Variants in INPP5A observed in about 807,000 individuals in gnomAD.
The protein encoded by INPP5A is 43 kDa inositol polyphosphate 5-phophatase.
Under a neutral mutation model 65.2 loss-of-function variants are expected in INPP5A, and 14 were observed. The ratio of observed to expected loss-of-function variants is 0.21; its 90% CI spans 0.14 to 0.34. The LOEUF is 0.34. INPP5A is among the 10% of genes least tolerant of loss of function. INPP5A has a pLI of 1.00. For missense variants in INPP5A, 431 were observed against 545.6 expected (o/e 0.79, Z 2.09); for synonymous variants, 207 against 208.3 (o/e 0.99, Z 0.05).
At chr10:132,649,123 G>A (rs2072537898) in intron 3 of INPP5A, among the ~76,000 whole-genome samples, 1 of 152,128 alleles carries the variant, frequency 6.6e-6, no homozygotes, top group Non-Finnish European at 1.5e-5. Flanking sequence ...ATTTTTAAGT[G>A]GCTGGGCTCT....
At chr10:132,586,753 G>C (rs946569977) in intron 1 of INPP5A, among the ~76,000 whole-genome samples, 1 of 152,230 alleles carries the variant, frequency 6.6e-6, no homozygotes. Flanking sequence ...TCTGAAACAA[G>C]TATGATTGAC....
chr10:132,610,360 G>A (rs1027073816), intron 2 of INPP5A, among the ~76,000 whole-genome samples: 11 of 152,166 alleles, frequency 7.2e-5, no homozygotes, highest in Non-Finnish European at 1.2e-4. Context: ...CCAGTGATGG[G>A]GGTGGGGGGT....
chr10:132,566,804 A>G (rs912015004), intron 1 of INPP5A, among the ~76,000 whole-genome samples: 2 of 152,250 alleles, frequency 1.3e-5, no homozygotes, highest in African/African-American at 4.8e-5. Context: ...GTTGTGTAAT[A>G]TACTTTCAGA....
chr10:132,679,771 G>A (rs953451036), intron 4 of INPP5A, among the ~76,000 whole-genome samples: 7 of 152,152 alleles, frequency 4.6e-5, no homozygotes, highest in East Asian at 1.9e-4. Flanking sequence ...AAAGAGATGC[G>A]CCAGACACAC....
chr10:132,765,741 T>C, intron 11 of INPP5A, 32 bp from the exon 12 acceptor site: 1 of 1,423,300 alleles, frequency 7.0e-7, no homozygotes, highest in Non-Finnish European at 9.9e-7. Flanking sequence ...AAAACCAATG[T>C]GACTTTATTT....
chr10:132,715,024 C>G (rs957432652), intron 8 of INPP5A, among the ~76,000 whole-genome samples: 2 of 152,242 alleles, frequency 1.3e-5, no homozygotes, highest in African/African-American at 4.8e-5. Context: ...GGGCCGTGCA[C>G]ACCCTTGTGT....
chr10:132,609,429 G>C (rs1027776364), intron 2 of INPP5A, among the ~76,000 whole-genome samples: 2 of 152,214 alleles, frequency 1.3e-5, no homozygotes, highest in East Asian at 3.9e-4. Flanking sequence ...GTCTTGCTGC[G>C]TGTGCCTGTC....
In INPP5A at chr10:132,644,273, T is replaced by C. The variant is rs1252047611; in HGVS notation, c.118-1595T>C. Among the ~76,000 whole-genome samples, 1 of 152,188 alleles carries C rather than the reference T, an allele frequency of 6.6e-6. No homozygotes were observed. The highest frequency in any genetic ancestry group is 1.5e-5 in the Non-Finnish European group (1 of 68,030). ...CTCGGTGCATCCACGCAGAGGCGGC[T>C]GCGAACTCAGGCACGGCCGCCCTTG... On this transcript the variant is annotated intron_variant, in intron 2 of 15. Transcript: ENST00000368594. This position sits in a 1 kb window ranked among gnomAD's most constrained non-coding sequence, Gnocchi z 6.5.
chr10:132,736,532 G>T (rs529158710), intron 9 of INPP5A, among the ~76,000 whole-genome samples: 4 of 152,198 alleles, frequency 2.6e-5, no homozygotes, highest in Non-Finnish European at 5.9e-5. Flanking sequence ...GAGACACCCC[G>T]AGAGCCGGGC....
Position 132,538,155 on chromosome 10 carries a change from G to A in INPP5A, c.59G>A (p.Gly20Asp). Residue 20 changes from glycine to aspartate, a missense_variant, in exon 1 of 16, where the codon GGC becomes GAC. Coordinates refer to ENST00000368594, the MANE Select transcript of INPP5A (RefSeq NM_005539.5). The surrounding 1 kb of genome is among the most constrained non-coding windows in gnomAD (Gnocchi z 4.1). ...TAVLLVTANV[G>D]SLFDDPENLQ... ...GTGCTGCTGGTCACGGCCAACGTGG[G>A]CTCGCTCTTCGACGACGTAAGTCCC... 7.8e-7 allele frequency: 1 copy of A among 1,281,652 alleles called. No homozygotes were observed. The allele number at this position is 1,281,652 out of a possible 1,614,324, so 79.4% of individuals were successfully genotyped here.
intron 1 of INPP5A, among the ~76,000 whole-genome samples, chr10:132,607,534 GA>G (rs2071873549): frequency 6.6e-6 from 1 of 152,254 alleles, no homozygotes; most frequent in African/African-American, 2.4e-5. Flanking sequence ...GGCGGGTGTG[GA>G]AAGGTGCCAC....
At chr10:132,607,593 G>A (rs1175060077) in intron 1 of INPP5A, among the ~76,000 whole-genome samples, 1 of 152,262 alleles carries the variant, frequency 6.6e-6, no homozygotes, top group Admixed American at 6.5e-5. Flanking sequence ...TCTCTTCCCT[G>A]GGAGGCTGGA....
chr10:132,759,547 G>T (rs572312433), intron 11 of INPP5A, among the ~76,000 whole-genome samples: 1 of 152,308 alleles, frequency 6.6e-6, no homozygotes, highest in East Asian at 1.9e-4. Flanking sequence ...GGTAGCCGGA[G>T]GGGCCCAGCA....
chr10:132,642,762 G>A (rs1486660410), intron 2 of INPP5A, among the ~76,000 whole-genome samples: 2 of 152,162 alleles, frequency 1.3e-5, no homozygotes, highest in Non-Finnish European at 2.9e-5. Context: ...AAATATATAC[G>A]TAAGACTTCT....
rs570774346 is a variant in INPP5A at position 132,756,258 on chromosome 10, C to T, written c.903+6413C>T. 6.6e-5 allele frequency among the ~76,000 whole-genome samples: 10 copies of T among 151,934 alleles called. No individual in the cohort carries two copies. The South Asian group carries it at 8.3e-4, about 13-fold the overall frequency. On this transcript the variant is annotated intron_variant, in intron 11 of 15. Coordinates refer to ENST00000368594, the MANE Select transcript of INPP5A (RefSeq NM_005539.5). ...GTATGCGTGTACATGTGTGCACTCA[C>T]GTGTGTGGTGTGTACGCATGCGTGT...
At chr10:132,552,085 C>A (rs1220671615) in intron 1 of INPP5A, among the ~76,000 whole-genome samples, 3 of 152,250 alleles carry the variant, frequency 2.0e-5, no homozygotes, top group Admixed American at 6.5e-5. Flanking sequence ...ATTCTCAGAG[C>A]CTTGGTGAAG....
chr10:132,585,136 A>AT (rs1228579956), intron 1 of INPP5A, among the ~76,000 whole-genome samples: 1 of 152,258 alleles, frequency 6.6e-6, no homozygotes, highest in Non-Finnish European at 1.5e-5. Flanking sequence ...CAATTTTAAA[A>AT]TTCATTGACT....
At chr10:132,746,763 G>A (rs982594854) in intron 9 of INPP5A, among the ~76,000 whole-genome samples, 2 of 152,206 alleles carry the variant, frequency 1.3e-5, no homozygotes, top group African/African-American at 4.8e-5. Flanking sequence ...TAGCATTTAG[G>A]GTATTTGTTT....
chr10:132,613,169 A>G (rs947744468), intron 2 of INPP5A, among the ~76,000 whole-genome samples: 1 of 152,172 alleles, frequency 6.6e-6, no homozygotes, highest in African/African-American at 2.4e-5. Flanking sequence ...CGTTGATAGT[A>G]GAGTTCGCCA....
Sources: gnomAD v4.1 joint callset for allele counts (sites outside exome capture counted in the v4.1 genomes callset) on GRCh38, gnomAD v4.1.1 for gene constraint, Gnocchi (gnomAD v3.1) non-coding constraint, MANE v1.5 for transcripts, NCBI Gene and HGNC (gene_info 2026-07-23, HGNC 2026-07-21) for gene names.